The following KIAA1217 variants were observed in gnomAD, a reference collection of about 807,000 sequenced individuals.
The protein encoded by KIAA1217 is sickle tail protein homolog.
Under a neutral mutation model 163.9 loss-of-function variants are expected in KIAA1217, and 88 were observed. The observed-to-expected ratio is 0.54, with a 90% CI of 0.45 to 0.64. The LOEUF is 0.64. KIAA1217 is among the 30% of genes least tolerant of loss of function. The pLI is 0.00. For missense variants in KIAA1217, 2,372 were observed against 2,475.0 expected (o/e 0.96, Z 0.88); for synonymous variants, 903 against 923.1 (o/e 0.98, Z 0.39).
intron 2 of KIAA1217, among the ~76,000 whole-genome samples, chr10:24,259,167 C>CT (rs2075473720): frequency 1.3e-5 from 2 of 151,902 alleles, no homozygotes; most frequent in African/African-American, 2.4e-5. Context: ...AGGGGTCTGC[C>CT]TTTGTGTCTG....
At chr10:24,146,563 GCAGTCCCAGCTCA>G (rs1205735766) in intron 2 of KIAA1217, among the ~76,000 whole-genome samples, 1 of 152,112 alleles carries the variant, frequency 6.6e-6, no homozygotes, top group Non-Finnish European at 1.5e-5. Flanking sequence ...GAACACGCCT[GCAGTCCCAGCTCA>G]GGAGATGGAG....
intron 2 of KIAA1217, among the ~76,000 whole-genome samples, chr10:24,257,548 TCTACCAAGTCTTGATTTGAGAATCAAAA>T (rs1256668505): frequency 6.6e-6 from 1 of 152,084 alleles, no homozygotes; most frequent in Non-Finnish European, 1.5e-5. Flanking sequence ...CCTAGTGAAG[TCTACCAAGTCTTGATTTGAGAATCAAAA>T]CAAACTCAGA....
Position 24,111,324 on chromosome 10 carries a change from A to C in KIAA1217, c.-171+103950A>C, listed in dbSNP as rs566246244. On this transcript the variant is annotated intron_variant, in intron 2 of 18. Coordinates refer to the KIAA1217 transcript ENST00000376462. ...GTAATTCTCCCATGGCAAGATATGTACACTGAAACATGATAAAAGAATTCT... is the reference window on the plus strand; with the variant it reads ...GTAATTCTCCCATGGCAAGATATGTCCACTGAAACATGATAAAAGAATTCT... Among the ~76,000 whole-genome samples, 6 of 152,338 alleles carry C rather than the reference A, an allele frequency of 3.9e-5. No individual in the cohort carries two copies. In the South Asian group the frequency reaches 1.2e-3, roughly 32 times the overall value.
At chr10:24,051,644 G>A (rs1238374328) in intron 2 of KIAA1217, among the ~76,000 whole-genome samples, 2 of 152,032 alleles carry the variant, frequency 1.3e-5, no homozygotes, top group Non-Finnish European at 1.5e-5. Context: ...TTAAATTGTG[G>A]CCATTCTTAC....
At chr10:24,294,972 C>T (rs747206547) in intron 2 of KIAA1217, among the ~76,000 whole-genome samples, 8 of 152,174 alleles carry the variant, frequency 5.3e-5, no homozygotes, top group Admixed American at 6.5e-5. Context: ...ATTCTGGAGG[C>T]GGCCCCTCTC....
At chr10:23,840,117 T>C (rs12243764) in intron 1 of KIAA1217, among the ~76,000 whole-genome samples, 1,953 of 152,182 alleles carry the variant, frequency 0.013, 58 homozygotes, top group African/African-American at 0.045. Flanking sequence ...TGGTGTGCTA[T>C]GAACCAGTAT....
intron 1 of KIAA1217, among the ~76,000 whole-genome samples, chr10:23,782,677 C>T (rs1190642697): frequency 6.6e-6 from 1 of 152,136 alleles, no homozygotes; most frequent in Non-Finnish European, 1.5e-5. Context: ...ATGTGAGCTG[C>T]CTGCATGGTC....
chr10:23,848,543 G>A (rs747886614), intron 1 of KIAA1217, among the ~76,000 whole-genome samples: 38 of 151,930 alleles, frequency 2.5e-4, no homozygotes, highest in Non-Finnish European at 4.0e-4. Context: ...CTGAACTCAG[G>A]AGTCTCCTGC....
intron 2 of KIAA1217, among the ~76,000 whole-genome samples, chr10:24,083,772 G>A (rs986828910): frequency 1.3e-5 from 2 of 152,134 alleles, no homozygotes; most frequent in African/African-American, 4.8e-5. Context: ...CTAGATAGTG[G>A]GGAGAGGGAG....
chr10:24,448,244 CG>C (rs2061116702), intron 5 of KIAA1217, among the ~76,000 whole-genome samples: 1 of 145,686 alleles, frequency 6.9e-6, no homozygotes, highest in South Asian at 2.4e-4. Flanking sequence ...CCTTTTTTTG[CG>C]TGGGGGGGGC....
chr10:23,886,049 T>C (rs992019183), intron 1 of KIAA1217, among the ~76,000 whole-genome samples: 1 of 151,912 alleles, frequency 6.6e-6, no homozygotes, highest in African/African-American at 2.4e-5. Flanking sequence ...GCGTATTTCC[T>C]GTTCAGCTCT....
At position 24,546,435 on chromosome 10, in the gene KIAA1217, A is replaced by T; in HGVS notation, c.*111A>T. 3 of 1,095,466 alleles carry T rather than the reference A, an allele frequency of 2.7e-6. No individual in the cohort carries two copies. The highest frequency in any genetic ancestry group is 2.6e-6 in the Non-Finnish European group (2 of 774,998). The allele number at this position is 1,095,466 out of a possible 1,614,324, so 67.9% of individuals were successfully genotyped here. On this transcript the variant is annotated 3_prime_UTR_variant, in exon 21 of 21. Coordinates refer to ENST00000376454, the MANE Select transcript of KIAA1217 (RefSeq NM_019590.5). Reference sequence around the variant, plus strand: ...CATATTGCTGTATCGTTTGAGGCTTAATGCTAAATATGTGCTAAATACTGG... The same window carrying T: ...CATATTGCTGTATCGTTTGAGGCTTTATGCTAAATATGTGCTAAATACTGG...
chr10:23,704,787 T>C (rs1836775798), intron 1 of KIAA1217, among the ~76,000 whole-genome samples: 1 of 151,866 alleles, frequency 6.6e-6, no homozygotes, highest in Non-Finnish European at 1.5e-5. Flanking sequence ...AGTCTTTTTA[T>C]GGGTATATGT....
At position 24,536,791 on chromosome 10, in the gene KIAA1217, C is replaced by T. The variant is rs1287138588; in HGVS notation, c.3432C>T (p.Ser1144=). The T allele has an allele frequency of 6.2e-7, 1 of 1,613,680 alleles. No homozygotes were observed. The change falls in exon 17 of 21, where the codon TCC becomes TCT. Residue 1144 remains serine (S), a synonymous_variant. Coordinates refer to ENST00000376454, the MANE Select transcript of KIAA1217 (RefSeq NM_019590.5). ...TTCCTTAGGCATTCCAGAAGTGTTCCTTTATGGATGTAAATTCAAACAGTC... is the reference window on the plus strand; with the variant it reads ...TTCCTTAGGCATTCCAGAAGTGTTCTTTTATGGATGTAAATTCAAACAGTC... ...MAELQAFQKC[S]FMDVNSNSHA...
chr10:23,868,512 T>C (rs995366672), intron 1 of KIAA1217, among the ~76,000 whole-genome samples: 1 of 152,102 alleles, frequency 6.6e-6, no homozygotes. Context: ...TGTTACCAAA[T>C]CATGACTCTC....
intron 6 of KIAA1217, among the ~76,000 whole-genome samples, chr10:24,479,140 TAGCAGAACCTTCTGTGTACAGG>T (rs2064359380): frequency 1.3e-5 from 2 of 152,216 alleles, no homozygotes; most frequent in African/African-American, 4.8e-5. Context: ...ATGGTAGACT[TAGCAGAACCTTCTGTGTACAGG>T]AGGAAGCCCA....
At chr10:23,878,248 C>A (rs549386787) in intron 1 of KIAA1217, among the ~76,000 whole-genome samples, 4 of 151,666 alleles carry the variant, frequency 2.6e-5, no homozygotes, top group African/African-American at 4.9e-5. Context: ...ACTTCTGCAC[C>A]AAAATGGATT....
At chr10:24,102,582 A>C (rs1161370228) in intron 2 of KIAA1217, among the ~76,000 whole-genome samples, 1 of 152,256 alleles carries the variant, frequency 6.6e-6, no homozygotes, top group Non-Finnish European at 1.5e-5. Flanking sequence ...AGAATAGCCA[A>C]CACCATATTG....
chr10:23,811,791 A>C lies in KIAA1217; in HGVS notation c.-321+116557A>C, dbSNP rs574301035. On this transcript the variant is annotated intron_variant, in intron 1 of 18. Transcript: ENST00000376462. The stretch of plus-strand genomic sequence containing the variant: ...TGGATCTGGACAGGGGGAAGTGAGC[A>C]GACTCAGGGGATTCTCAGGTTTCTA... Among the ~76,000 whole-genome samples, 10 of 152,290 alleles carry C rather than the reference A, an allele frequency of 6.6e-5. No individual in the cohort carries two copies. In the South Asian group the frequency reaches 2.1e-3, roughly 32 times the overall value.
Sources: gnomAD v4.1 joint callset for allele counts (sites outside exome capture counted in the v4.1 genomes callset) on GRCh38, gnomAD v4.1.1 for gene constraint, MANE v1.5 for transcripts, NCBI Gene and HGNC (gene_info 2026-07-23, HGNC 2026-07-21) for gene names.